The following PRH1 variants were observed in gnomAD, a reference collection of about 807,000 sequenced individuals.
PRH1 encodes the protein salivary acidic proline-rich phosphoprotein 1/2.
In PRH1, 7 loss-of-function variants were observed where a neutral mutation model predicts 7.9. The observed-to-expected ratio is 0.89, with a 90% CI of 0.50 to 1.67. The LOEUF is 1.67. Among genes scored for constraint, PRH1 ranks in the 40% most tolerant of loss-of-function variants. The probability of loss-of-function intolerance (pLI) is 0.00; values close to 1 mark genes in which losing one functional copy is unlikely to be tolerated. For missense variants in PRH1, 109 were observed against 223.6 expected (o/e 0.49, Z 3.27); for synonymous variants, 45 against 80.8 (o/e 0.56, Z 2.38).
intron 2 of PRH1, among the ~76,000 whole-genome samples, chr12:10,952,441 G>A: frequency 6.6e-6 from 1 of 152,102 alleles, no homozygotes; most frequent in Non-Finnish European, 1.5e-5. Flanking sequence ...CCAAAAATAT[G>A]CCTGGAAATG....
chr12:11,130,469 T>A (rs1244106874), intron 1 of PRH1, among the ~76,000 whole-genome samples: 2 of 152,182 alleles, frequency 1.3e-5, no homozygotes, highest in Non-Finnish European at 2.9e-5. Context: ...TTGAGAATAT[T>A]GCTCTGACTC....
intron 1 of PRH1, among the ~76,000 whole-genome samples, chr12:11,125,487 G>A (rs1946085383): frequency 6.6e-6 from 1 of 152,258 alleles, no homozygotes; most frequent in Non-Finnish European, 1.5e-5. Flanking sequence ...TTTTATTATA[G>A]CAGTCCAAGT....
intron 2 of PRH1, among the ~76,000 whole-genome samples, chr12:10,949,469 T>G (rs1488413087): frequency 1.3e-5 from 2 of 152,156 alleles, no homozygotes; most frequent in East Asian, 3.9e-4. Flanking sequence ...GAATTTAAAT[T>G]TACATTTCTA....
intron 2 of PRH1, among the ~76,000 whole-genome samples, chr12:10,926,416 TTCCGGG>T (rs1474796216): frequency 6.6e-6 from 1 of 152,204 alleles, no homozygotes; most frequent in Non-Finnish European, 1.5e-5. Flanking sequence ...TTCAGAGAGC[TTCCGGG>T]TCTTCAAAAA....
chr12:10,999,310 A>G (rs546455031), intron 1 of PRH1, among the ~76,000 whole-genome samples: 32 of 152,254 alleles, frequency 2.1e-4, no homozygotes, highest in African/African-American at 7.5e-4. Context: ...GTGAATATCT[A>G]AAACTAGAAG....
intron 1 of PRH1, among the ~76,000 whole-genome samples, chr12:11,124,014 T>A (rs887209306): frequency 7.6e-5 from 8 of 105,014 alleles, no homozygotes; most frequent in Admixed American, 2.0e-4. Context: ...AACAAATTCC[T>A]TCTTTTTCCA....
intron 2 of PRH1, among the ~76,000 whole-genome samples, chr12:10,923,382 G>T (rs976606232): frequency 1.3e-5 from 2 of 152,088 alleles, no homozygotes; most frequent in Non-Finnish European, 2.9e-5. Flanking sequence ...GCCCGCCTTG[G>T]CCTCCCAAAG....
intron 1 of PRH1, among the ~76,000 whole-genome samples, chr12:11,000,127 A>G (rs1438361517): frequency 6.6e-6 from 1 of 152,140 alleles, no homozygotes; most frequent in Admixed American, 6.6e-5. Context: ...AGTGCAAAAA[A>G]TAATTTATCT....
chr12:10,930,327 T>C (rs1267338333), intron 2 of PRH1: 1 of 1,605,452 alleles, frequency 6.2e-7, no homozygotes, highest in South Asian at 1.1e-5. Context: ...AAATTCTCAG[T>C]AAACTCTGTC....
intron 1 of PRH1, among the ~76,000 whole-genome samples, chr12:11,002,232 GTGA>G (rs1171909270): frequency 6.6e-6 from 1 of 151,968 alleles, no homozygotes; most frequent in Admixed American, 6.6e-5. Flanking sequence ...ATGATGATTG[GTGA>G]TGATGATAAT....
chr12:11,067,879 T>A (rs1943894981), intron 1 of PRH1, among the ~76,000 whole-genome samples: 1 of 152,074 alleles, frequency 6.6e-6, no homozygotes, highest in Non-Finnish European at 1.5e-5. Context: ...ATAAGAAAAA[T>A]TTTAAATTTT....
chr12:10,938,572 C>T (rs1280457903), intron 2 of PRH1: 1 of 1,613,948 alleles, frequency 6.2e-7, no homozygotes, highest in South Asian at 1.1e-5. Flanking sequence ...CAGTGTGCTG[C>T]ATCTTCTTGC....
intron 1 of PRH1, among the ~76,000 whole-genome samples, chr12:11,041,330 A>G (rs1198070448): frequency 2.7e-5 from 4 of 150,762 alleles, no homozygotes; most frequent in Non-Finnish European, 5.9e-5. Context: ...TAGAGTACCT[A>G]TACTAATATT....
At chr12:10,984,859 G>C (rs567986372) in intron 1 of PRH1, among the ~76,000 whole-genome samples, 1 of 151,722 alleles carries the variant, frequency 6.6e-6, no homozygotes, top group East Asian at 1.9e-4. Flanking sequence ...TATTTTAGAT[G>C]TTTTCTATCA....
chr12:11,162,433 T>C (rs1947443641), intron 1 of PRH1, among the ~76,000 whole-genome samples: 1 of 152,206 alleles, frequency 6.6e-6, no homozygotes, highest in Admixed American at 6.5e-5. Flanking sequence ...TTTTCATTTA[T>C]TCCCAGACCA....
chr12:11,014,219 T>C (rs1180619599), intron 1 of PRH1, among the ~76,000 whole-genome samples: 1 of 152,218 alleles, frequency 6.6e-6, no homozygotes, highest in Non-Finnish European at 1.5e-5. Flanking sequence ...GGCATCATTG[T>C]AGAGATTGAA....
chr12:10,964,689 T>C, intron 2 of PRH1: 1 of 626,608 alleles, frequency 1.6e-6, no homozygotes, highest in Non-Finnish European at 2.9e-6. Context: ...ATGTGGACCT[T>C]GGTGTTGGAA....
chr12:11,142,881 CTT>C (rs1298030688), intron 1 of PRH1, among the ~76,000 whole-genome samples: 3 of 152,056 alleles, frequency 2.0e-5, no homozygotes, highest in Non-Finnish European at 2.9e-5. Context: ...AAGAGAAAGA[CTT>C]TTCCAAACCA....
intron 1 of PRH1, among the ~76,000 whole-genome samples, chr12:11,169,191 G>C (rs918104636): frequency 6.6e-6 from 1 of 152,112 alleles, no homozygotes; most frequent in African/African-American, 2.4e-5. Flanking sequence ...TTTCTAATTT[G>C]TACAATCAAG....
Sources: allele counts gnomAD v4.1 joint callset (sites outside exome capture counted in the v4.1 genomes callset), GRCh38; gene constraint gnomAD v4.1.1; transcripts MANE v1.5; gene names NCBI Gene and HGNC (gene_info 2026-07-23, HGNC 2026-07-21).